Variants in RAPGEF6 observed in about 807,000 individuals in gnomAD.
RAPGEF6 encodes PDZ domain containing guanine nucleotide exchange factor (GEF) 2.
Under a neutral mutation model 171.4 loss-of-function variants are expected in RAPGEF6, and 56 were observed. The ratio of observed to expected loss-of-function variants is 0.33; its 90% CI spans 0.26 to 0.41. The LOEUF (loss-of-function observed/expected upper bound fraction) is 0.41. RAPGEF6 is among the 10% of genes least tolerant of loss of function. RAPGEF6 has a pLI of 1.00. For synonymous variants in RAPGEF6, 692 were observed against 650.1 expected, an observed-to-expected ratio of 1.06 and a Z score of -0.98; for missense variants, 1,674 against 1,921.4, an observed-to-expected ratio of 0.87 and a Z score of 2.41.
At chr5:131,610,359 A>T (rs61216813) in intron 1 of RAPGEF6, among the ~76,000 whole-genome samples, 4,084 of 152,268 alleles carry the variant, frequency 0.027, 196 homozygotes, top group African/African-American at 0.093. Context: ...GGGCACTTTA[A>T]ACACCAGGGC....
intron 7 of RAPGEF6, among the ~76,000 whole-genome samples, chr5:131,519,335 A>G (rs753836996): frequency 2.6e-5 from 4 of 152,134 alleles, no homozygotes; most frequent in Non-Finnish European, 5.9e-5. Context: ...CTTGAATCTT[A>G]ATCTGTGCAC....
intron 7 of RAPGEF6, among the ~76,000 whole-genome samples, chr5:131,512,052 C>T (rs1288240720): frequency 6.6e-6 from 1 of 151,940 alleles, no homozygotes; most frequent in African/African-American, 2.4e-5. Flanking sequence ...AACCAATAGG[C>T]AGGGAAATAG....
At position 131,635,063 on chromosome 5, in the gene RAPGEF6, TAGC is replaced by T; in HGVS notation, c.-36_-34del. 6.3e-7 allele frequency: 1 copy of T among 1,583,758 alleles called. No homozygotes were observed. The highest frequency in any genetic ancestry group is 8.6e-7 in the Non-Finnish European group (1 of 1,160,714). On this transcript the variant is annotated 5_prime_UTR_variant, in exon 1 of 28. The change creates a premature stop within an existing upstream ORF in the 5' untranslated region. Transcript: ENST00000509018. ...GCCCGGGTACTCCGCAGCCTGCCCT[TAGC>T]AGCCCACGCCACAGTTCATTCACAC... is the stretch of plus-strand genomic sequence containing the variant.
intron 5 of RAPGEF6, among the ~76,000 whole-genome samples, chr5:131,556,565 A>G (rs746546664): frequency 5.9e-5 from 9 of 152,214 alleles, no homozygotes; most frequent in Non-Finnish European, 1.2e-4. Context: ...ATGGAATTAT[A>G]CCAAAATTTT....
intron 21 of RAPGEF6, among the ~76,000 whole-genome samples, chr5:131,452,725 C>T (rs544348258): frequency 1.3e-5 from 2 of 151,884 alleles, no homozygotes; most frequent in East Asian, 3.9e-4. Flanking sequence ...CTCGGCCTCC[C>T]AAAGTGCTGG....
intron 6 of RAPGEF6, among the ~76,000 whole-genome samples, chr5:131,536,755 C>T (rs768783462): frequency 6.6e-6 from 1 of 152,178 alleles, no homozygotes; most frequent in Non-Finnish European, 1.5e-5. Context: ...CAAGCATCTT[C>T]ATACCTGCAC....
chr5:131,454,081 T>C (rs2149825487), intron 20 of RAPGEF6, among the ~76,000 whole-genome samples: 1 of 152,294 alleles, frequency 6.6e-6, no homozygotes, highest in Non-Finnish European at 1.5e-5. Flanking sequence ...CAGAAAGGGA[T>C]AATGAGCTGA....
Position 131,615,397 on chromosome 5 carries a change from G to C in RAPGEF6, c.70-10704C>G, listed in dbSNP as rs1054139824. On this transcript the variant is annotated intron_variant, in intron 1 of 27. Coordinates refer to ENST00000509018, the MANE Select transcript of RAPGEF6 (RefSeq NM_016340.6). ...CTGAGCTTGGAAAAGGGTTTCTTGG[G>C]GCTTTTGTGTCAATTATCTGCAAGA... 3.3e-5 allele frequency among the ~76,000 whole-genome samples: 5 copies of C among 152,204 alleles called. No individual in the cohort carries two copies. In the East Asian group the frequency reaches 9.7e-4, roughly 29 times the overall value.
intron 5 of RAPGEF6, among the ~76,000 whole-genome samples, chr5:131,554,530 C>T (rs1054352153): frequency 3.9e-5 from 6 of 152,050 alleles, no homozygotes; most frequent in African/African-American, 7.2e-5. Flanking sequence ...AATAGGTTTT[C>T]TTTTTTTGAG....
chr5:131,621,804 G>A lies in RAPGEF6; in HGVS notation c.69+13158C>T, dbSNP rs1219840579. 3.9e-5 allele frequency among the ~76,000 whole-genome samples: 6 copies of A among 152,160 alleles called. No homozygotes were observed. In the South Asian group the frequency reaches 1.2e-3, roughly 32 times the overall value. ...AATGCAAAACTCACAGATATGGAGG[G>A]CCAACTGTATCCTAAACTCATCAGG... On this transcript the variant is annotated intron_variant, in intron 1 of 27. Coordinates refer to ENST00000509018, the MANE Select transcript of RAPGEF6 (RefSeq NM_016340.6).
chr5:131,442,335 T>C lies in RAPGEF6; in HGVS notation c.3610+14A>G, dbSNP rs770456279. The C allele has an allele frequency of 5.0e-6, 8 of 1,589,568 alleles. No homozygotes were observed. The highest frequency in any genetic ancestry group is 2.2e-5 in the East Asian group (1 of 44,592). The stretch of plus-strand genomic sequence containing the variant: ...TTCAGGTAAACGGATGTAATATTAA[T>C]GGTGAATACTCACTCAGTGCAGGGT... On this transcript the variant is annotated intron_variant, in intron 23 of 27. Transcript: ENST00000509018.
intron 17 of RAPGEF6, among the ~76,000 whole-genome samples, chr5:131,466,739 T>C (rs1754378053): frequency 6.6e-6 from 1 of 152,224 alleles, no homozygotes; most frequent in East Asian, 1.9e-4. Context: ...TTAAACCTCT[T>C]TCCTTTGTAA....
chr5:131,558,996 C>G (rs1331856539), intron 5 of RAPGEF6, among the ~76,000 whole-genome samples: 1 of 152,074 alleles, frequency 6.6e-6, no homozygotes, highest in East Asian at 1.9e-4. Flanking sequence ...TCCTTACTGA[C>G]TCATGGTGGT....
intron 10 of RAPGEF6, among the ~76,000 whole-genome samples, 184 bp from the exon 11 acceptor site, chr5:131,504,962 T>C (rs576360089): frequency 2.0e-5 from 3 of 152,306 alleles, no homozygotes; most frequent in South Asian, 4.1e-4. Context: ...AGAAGTCTAA[T>C]CTGTTTGAAT....
At chr5:131,524,896 G>A (rs1399443645) in intron 6 of RAPGEF6, among the ~76,000 whole-genome samples, 2 of 152,138 alleles carry the variant, frequency 1.3e-5, no homozygotes, top group Admixed American at 6.5e-5. Context: ...GATTACAGGC[G>A]TAAGCCACCT....
At chr5:131,493,042 C>CATTT (rs747528355) in intron 13 of RAPGEF6, among the ~76,000 whole-genome samples, 2,761 of 151,714 alleles carry the variant, frequency 0.018, 26 homozygotes, top group Non-Finnish European at 0.026. Context: ...AATTACCTAT[C>CATTT]ATTTATTTAT....
chr5:131,436,495 C>G, intron 24 of RAPGEF6: 1 of 996,034 alleles, frequency 1.0e-6, no homozygotes, highest in South Asian at 1.8e-5. Context: ...AAATTGAAAT[C>G]TAGCAACATA....
chr5:131,463,893 G>A (rs1318702373), intron 18 of RAPGEF6, 148 bp downstream of exon 18: 3 of 1,387,562 alleles, frequency 2.2e-6, no homozygotes, highest in African/African-American at 1.4e-5. Context: ...ATTTTAGCAG[G>A]AGTGACAAGA....
chr5:131,433,731 G>C, intron 24 of RAPGEF6, 73 bp from the exon 25 acceptor site: 1 of 841,522 alleles, frequency 1.2e-6, no homozygotes, highest in South Asian at 2.0e-5. Context: ...GGGAAAGGAT[G>C]AAAAAAAAAA....
Sources: gnomAD v4.1 joint callset for allele counts (sites outside exome capture counted in the v4.1 genomes callset) on GRCh38, gnomAD v4.1.1 for gene constraint, MANE v1.5 for transcripts, NCBI Gene and HGNC (gene_info 2026-07-23, HGNC 2026-07-21) for gene names.